Variants in EYA4 observed in about 807,000 individuals in gnomAD.
The protein encoded by EYA4 is protein phosphatase EYA4.
In EYA4, 31 loss-of-function variants were observed where a neutral mutation model predicts 87.9. The ratio of observed to expected loss-of-function variants is 0.35; its 90% CI spans 0.27 to 0.48. The LOEUF (loss-of-function observed/expected upper bound fraction) is 0.48, where lower values mean the gene tolerates loss of function less well. Among genes scored for constraint, EYA4 ranks in the 20% least tolerant of loss-of-function variants. EYA4 has a pLI of 0.99. For synonymous variants in EYA4, 263 were observed against 270.6 expected, an observed-to-expected ratio of 0.97 and a Z score of 0.28; for missense variants, 678 against 761.4, an observed-to-expected ratio of 0.89 and a Z score of 1.29.
intron 11 of EYA4, among the ~76,000 whole-genome samples, chr6:133,477,745 A>C (rs945793518): frequency 1.3e-5 from 2 of 152,018 alleles, no homozygotes; most frequent in Non-Finnish European, 2.9e-5. Context: ...CCACTTCTCC[A>C]GTTTCTCCAT....
intron 3 of EYA4, among the ~76,000 whole-genome samples, chr6:133,437,040 ATG>A (rs1562419593): frequency 1.3e-5 from 2 of 152,164 alleles, no homozygotes; most frequent in African/African-American, 4.8e-5. Flanking sequence ...AACTAGTTGC[ATG>A]TCTTTACATT....
In EYA4 at chr6:133,406,047, TTCTA is replaced by T. The variant is rs1397002148; in HGVS notation, c.83+23616_83+23619del. ...CTACCTACCTACCTACCTACCTATC[TTCTA>T]TCTATCTATTTAGTAACATTGTATC... On this transcript the variant is annotated intron_variant, in intron 3 of 19. Coordinates refer to ENST00000355286, the MANE Select transcript of EYA4 (RefSeq NM_004100.5). Among the ~76,000 whole-genome samples the T allele has an allele frequency of 3.9e-5, 6 of 152,160 alleles. No homozygotes were observed. In the South Asian group the frequency reaches 6.2e-4, roughly 16 times the overall value.
intron 2 of EYA4, among the ~76,000 whole-genome samples, chr6:133,344,008 T>C (rs1295164507): frequency 1.3e-5 from 2 of 152,198 alleles, no homozygotes; most frequent in African/African-American, 4.8e-5. Flanking sequence ...ATCATTACTT[T>C]GGTGATGTTT....
chr6:133,499,102 C>T (rs1464331475), intron 13 of EYA4, among the ~76,000 whole-genome samples: 1 of 152,114 alleles, frequency 6.6e-6, no homozygotes, highest in Non-Finnish European at 1.5e-5. Flanking sequence ...CTGTAACCTG[C>T]CCTGAAGTTT....
chr6:133,272,336 C>T (rs567671574), intron 1 of EYA4, among the ~76,000 whole-genome samples: 1 of 152,268 alleles, frequency 6.6e-6, no homozygotes, highest in Non-Finnish European at 1.5e-5. Flanking sequence ...GGAGTAGAAA[C>T]CATGGACATT....
chr6:133,334,183 C>T (rs1782192048), intron 2 of EYA4, among the ~76,000 whole-genome samples: 1 of 152,174 alleles, frequency 6.6e-6, no homozygotes, highest in Admixed American at 6.6e-5. Flanking sequence ...TACAAGACAA[C>T]AGAAATTCGA....
intron 3 of EYA4, among the ~76,000 whole-genome samples, chr6:133,445,577 C>CTTTTTTTTTTTTTTTT (rs1000098998): frequency 7.1e-6 from 1 of 141,656 alleles, no homozygotes; most frequent in Non-Finnish European, 1.6e-5. Context: ...TTTCCTTTTT[C>CTTTTTTTTTTTTTTTT]TTTTTTTTTT....
chr6:133,513,797 G>C (rs2128785143), intron 16 of EYA4, among the ~76,000 whole-genome samples: 1 of 152,042 alleles, frequency 6.6e-6, no homozygotes, highest in Non-Finnish European at 1.5e-5. Context: ...AATCTCCCAG[G>C]ATTTTGTTTC....
intron 10 of EYA4, among the ~76,000 whole-genome samples, 174 bp downstream of exon 10, chr6:133,465,032 T>C (rs569075458): frequency 6.6e-6 from 1 of 152,286 alleles, no homozygotes; most frequent in East Asian, 1.9e-4. Context: ...GGAATATGCA[T>C]TATTCTGGCT....
At chr6:133,421,062 C>A (rs1790177634) in intron 3 of EYA4, among the ~76,000 whole-genome samples, 1 of 152,196 alleles carries the variant, frequency 6.6e-6, no homozygotes, top group African/African-American at 2.4e-5. Flanking sequence ...ATTCTTCCCC[C>A]ACTTCTTCCC....
chr6:133,522,818 T>G (rs1281183943), intron 17 of EYA4, among the ~76,000 whole-genome samples: 1 of 152,180 alleles, frequency 6.6e-6, no homozygotes, highest in East Asian at 1.9e-4. Context: ...TTTAATAGCA[T>G]ATTGTTTTGA....
intron 2 of EYA4, among the ~76,000 whole-genome samples, chr6:133,351,380 C>A: frequency 6.6e-6 from 1 of 152,128 alleles, no homozygotes; most frequent in East Asian, 1.9e-4. Flanking sequence ...TGTGTTTCAA[C>A]CTATGTATAT....
chr6:133,467,973 A>G (rs1419283380), intron 10 of EYA4, among the ~76,000 whole-genome samples: 1 of 152,038 alleles, frequency 6.6e-6, no homozygotes, highest in Non-Finnish European at 1.5e-5. Flanking sequence ...TTCACTAAAG[A>G]CTTTAAATCA....
chr6:133,443,535 C>T (rs929265583), intron 3 of EYA4, among the ~76,000 whole-genome samples: 4 of 151,942 alleles, frequency 2.6e-5, no homozygotes, highest in African/African-American at 9.7e-5. Flanking sequence ...ATTATTTCTA[C>T]TCTTTATTGT....
intron 3 of EYA4, among the ~76,000 whole-genome samples, chr6:133,437,084 T>C (rs972027100): frequency 1.4e-4 from 21 of 152,220 alleles, no homozygotes; most frequent in Non-Finnish European, 2.6e-4. Flanking sequence ...AGTTTTTGTG[T>C]TTATGACTAA....
In EYA4 at chr6:133,382,437, T is replaced by A. The variant is rs1786302375; in HGVS notation, c.79T>A (p.Ser27Thr). Reference protein sequence around the residue: ...TESDVSQSQNSRSMEMQDLAS... With the variant: ...TESDVSQSQNTRSMEMQDLAS... ...ATCAGATGTTTCACAATCTCAGAATTCCAGGTACAGTAAAATAAAGACCAA... is the reference window on the plus strand; with the variant it reads ...ATCAGATGTTTCACAATCTCAGAATACCAGGTACAGTAAAATAAAGACCAA... Residue 27 changes from serine (S) to threonine (T), a missense_variant, in exon 3 of 20, where the codon TCC (serine) becomes ACC (threonine). Transcript: ENST00000355286. The A allele has an allele frequency of 6.2e-7, 1 of 1,609,284 alleles. No homozygotes were observed.
At chr6:133,276,104 G>A (rs1777142883) in intron 2 of EYA4, among the ~76,000 whole-genome samples, 4 of 152,180 alleles carry the variant, frequency 2.6e-5, no homozygotes, top group African/African-American at 9.6e-5. Context: ...GTGTGACTAT[G>A]GTGGACTTGA....
At chr6:133,431,195 C>T (rs1275113427) in intron 3 of EYA4, among the ~76,000 whole-genome samples, 1 of 151,930 alleles carries the variant, frequency 6.6e-6, no homozygotes. Flanking sequence ...CATCAGTGTG[C>T]CATATAAGGA....
intron 9 of EYA4, 62 bp downstream of exon 9, chr6:133,462,826 C>G: frequency 6.9e-7 from 1 of 1,452,462 alleles, no homozygotes; most frequent in South Asian, 1.1e-5. Flanking sequence ...GACTCATTGG[C>G]TTCAGACTAG....
Sources: allele counts gnomAD v4.1 joint callset (sites outside exome capture counted in the v4.1 genomes callset), GRCh38; gene constraint gnomAD v4.1.1; transcripts MANE v1.5; gene names NCBI Gene and HGNC (gene_info 2026-07-23, HGNC 2026-07-21).